Variants in OAF observed in about 807,000 individuals in gnomAD.
The protein encoded by OAF is out at first homolog.
Under a neutral mutation model 22.5 loss-of-function variants are expected in OAF, and 13 were observed. The observed-to-expected ratio is 0.58, with a 90% CI of 0.38 to 0.92. The LOEUF is 0.92. Ranked by LOEUF, OAF falls within the 40% of genes least tolerant of loss-of-function variation. The pLI, the probability that OAF is intolerant of heterozygous loss-of-function variation, is 0.00. For missense variants in OAF, 347 were observed against 381.8 expected (o/e 0.91, Z 0.76); for synonymous variants, 175 against 170.5 (o/e 1.03, Z -0.21).
At chr11:120,223,585 CATT>C (rs779460322) in intron 1 of OAF, among the ~76,000 whole-genome samples, 5 of 152,178 alleles carry the variant, frequency 3.3e-5, no homozygotes, top group Non-Finnish European at 7.3e-5. Context: ...TCATTGATGA[CATT>C]ATTAATATAG....
chr11:120,228,745 G>A, intron 3 of OAF, 123 bp from the exon 4 acceptor site: 1 of 710,900 alleles, frequency 1.4e-6, no homozygotes, highest in Non-Finnish European at 2.3e-6. Flanking sequence ...GGAAATGGAG[G>A]TGTCTGTAAA....
chr11:120,226,978 C>T lies in OAF; in HGVS notation c.529C>T (p.Arg177Trp), dbSNP rs200189572. The stretch of plus-strand genomic sequence containing the variant: ...CATCTACACCCGCCAGGAGGATGTC[C>T]GGTTCTGGCTGGAGCAAGGTCAGCT... Reference protein sequence around the residue: ...DAIYTRQEDVRFWLEQGVDSS... With the variant: ...DAIYTRQEDVWFWLEQGVDSS... Residue 177 changes from arginine (R) to tryptophan (W), a missense_variant, in exon 3 of 4, where the codon CGG becomes TGG. Transcript: ENST00000328965. The T allele has an allele frequency of 1.3e-4, 213 of 1,599,078 alleles. 2 individuals carry two copies. The East Asian group carries it at 3.4e-3, about 26-fold the overall frequency.
intron 1 of OAF, among the ~76,000 whole-genome samples, chr11:120,213,059 C>T (rs952631347): frequency 6.6e-6 from 1 of 152,048 alleles, no homozygotes; most frequent in African/African-American, 2.4e-5. Context: ...GGCTGTGAGG[C>T]TCCCAACCCC....
chr11:120,226,123 G>A (rs113836768), intron 2 of OAF, among the ~76,000 whole-genome samples: 2 of 152,176 alleles, frequency 1.3e-5, no homozygotes, highest in Non-Finnish European at 2.9e-5. Flanking sequence ...CTCCCATCTG[G>A]TTCCAGCACC....
At chr11:120,228,821 T>TGCCAAACCA in intron 3 of OAF, 47 bp from the exon 4 acceptor site, 1 of 520,280 alleles carries the variant, frequency 1.9e-6, no homozygotes. Context: ...GGGAGCTCCT[T>TGCCAAACCA]CCCTCCCTCC....
intron 1 of OAF, among the ~76,000 whole-genome samples, chr11:120,218,035 A>C (rs891426560): frequency 1.3e-5 from 2 of 152,222 alleles, no homozygotes; most frequent in Non-Finnish European, 2.9e-5. Context: ...GCACTGAGTC[A>C]GCAGCACAGT....
In OAF at chr11:120,222,213, C is replaced by T. The variant is rs138750561; in HGVS notation, c.232-3448C>T. Among the ~76,000 whole-genome samples, 98 of 152,322 alleles carry T rather than the reference C, an allele frequency of 6.4e-4. No homozygotes were observed. The East Asian group carries it at 0.014, about 22-fold the overall frequency. On this transcript the variant is annotated intron_variant, in intron 1 of 3. Transcript: ENST00000328965. ...TACCAAATAGACCCAGAAAGTAGGG[C>T]TGCCCACTCCTTCTCAGGGATCAGC...
At chr11:120,228,117 T>G (rs1938387090) in intron 3 of OAF, among the ~76,000 whole-genome samples, 1 of 151,242 alleles carries the variant, frequency 6.6e-6, no homozygotes, top group Non-Finnish European at 1.5e-5. Context: ...AAAGTCTCAC[T>G]GTTGTCCCCC....
chr11:120,223,433 G>GT (rs1938307802), intron 1 of OAF, among the ~76,000 whole-genome samples: 1 of 152,134 alleles, frequency 6.6e-6, no homozygotes, highest in South Asian at 2.1e-4. Context: ...TGGAAACAAT[G>GT]TTTTTTCTCT....
At position 120,211,351 on chromosome 11, in the gene OAF, G is replaced by A. The variant is rs1938141860; in HGVS notation, c.72G>A (p.Leu24=). 7.0e-7 allele frequency: 1 copy of A among 1,436,976 alleles called. No homozygotes were observed. The highest frequency in any genetic ancestry group is 3.0e-5 in the East Asian group (1 of 33,398). The allele number at this position is 1,436,976 out of a possible 1,614,324, so 89.0% of individuals were successfully genotyped here. The part of the protein sequence containing the change: ...LLLLPLLAPL[L]GTGAPAELRV... ...TGCTGCCGCTGCTCGCGCCGCTGCT[G>A]GGAACGGGTGCGCCGGCCGAGCTGC... Residue 24 remains leucine, a synonymous_variant, in exon 1 of 4, where the codon CTG becomes CTA. Transcript: ENST00000328965.
In OAF at chr11:120,226,938, C is replaced by T. The variant is rs3740736; in HGVS notation, c.489C>T (p.Ala163=). ...GCCCCCATCTCCACAACGTGTGTGC[C>T]GAGGCCGTGGATGCCATCTACACCC... ...LLSPHLHNVC[A]EAVDAIYTRQ... The change falls in exon 3 of 4, where the codon GCC becomes GCT. Residue 163 remains alanine (A), a synonymous_variant. Transcript: ENST00000328965. 4.8e-4 allele frequency: 778 copies of T among 1,609,832 alleles called. 9 individuals are homozygous for T. The East Asian group carries it at 0.013, about 27-fold the overall frequency.
intron 1 of OAF, among the ~76,000 whole-genome samples, chr11:120,221,123 C>T (rs988928311): frequency 6.6e-6 from 1 of 152,194 alleles, no homozygotes; most frequent in African/African-American, 2.4e-5. Flanking sequence ...CCTTTACCTC[C>T]ATTGCACTTG....
At chr11:120,228,821 T>TACCCACC in intron 3 of OAF, 47 bp from the exon 4 acceptor site, 1 of 520,280 alleles carries the variant, frequency 1.9e-6, no homozygotes, top group Non-Finnish European at 3.6e-6. Flanking sequence ...GGGAGCTCCT[T>TACCCACC]CCCTCCCTCC....
chr11:120,218,011 G>C lies in OAF; in HGVS notation c.231+6501G>C, dbSNP rs570873686. On this transcript the variant is annotated intron_variant, in intron 1 of 3. Coordinates refer to ENST00000328965, the MANE Select transcript of OAF (RefSeq NM_178507.4). ...AGTGCGGGTGAGAGGGAAGCATGGA[G>C]ACCCGTCTCAGGAGCACTGAGTCAG... Among the ~76,000 whole-genome samples, 11 of 152,334 alleles carry C rather than the reference G, an allele frequency of 7.2e-5. 1 individual carries two copies. The highest frequency in any genetic ancestry group is 2.4e-4 in the African/African-American group (10 of 41,580).
Position 120,225,766 on chromosome 11 carries a change from C to A in OAF, c.337C>A (p.Pro113Thr). 6.2e-7 allele frequency: 1 copy of A among 1,604,152 alleles called. No individual in the cohort carries two copies. The highest frequency in any genetic ancestry group is 1.7e-5 in the Admixed American group (1 of 58,902). ...CCAGCTGCAGCACAATGAGATCATC[C>A]CCAGTGAGGCCATGGCCAAGCTCCG... is the stretch of plus-strand genomic sequence containing the variant. ...VTQLQHNEII[P>T]SEAMAKLRQK... Residue 113 changes from proline to threonine, a missense_variant, in exon 2 of 4, where the codon CCC (proline) becomes ACC (threonine). Coordinates refer to ENST00000328965, the MANE Select transcript of OAF (RefSeq NM_178507.4).
chr11:120,225,589 G>C, intron 1 of OAF, 72 bp from the exon 2 acceptor site: 1 of 1,422,226 alleles, frequency 7.0e-7, no homozygotes, highest in Non-Finnish European at 9.3e-7. Flanking sequence ...CAGGGGCCAA[G>C]CTGAGCACCC....
chr11:120,211,199 C>T lies in OAF; in HGVS notation c.-81C>T, dbSNP rs1362448210. 1 of 983,440 alleles carries T rather than the reference C, an allele frequency of 1.0e-6. No individual in the cohort carries two copies. Among genetic ancestry groups the T allele is most frequent in the Non-Finnish European group, 1.3e-6 (1 of 784,766 alleles). 60.9% of individuals were successfully genotyped at this position (983,440 alleles called of 1,614,324 possible). ...CTCCCGGGCGCCCCGAACTAGCCCC[C>T]AACTTTGGGCGAAGTTTGCCTGCGC... On this transcript the variant is annotated 5_prime_UTR_variant, in exon 1 of 4. Coordinates refer to ENST00000328965, the MANE Select transcript of OAF (RefSeq NM_178507.4).
chr11:120,212,592 C>T (rs1393415167), intron 1 of OAF, among the ~76,000 whole-genome samples: 10 of 151,452 alleles, frequency 6.6e-5, no homozygotes, highest in African/African-American at 2.4e-4. Flanking sequence ...GCCCGGGGCC[C>T]CGGGGACCCT....
rs541725690 is a variant in OAF at position 120,213,222 on chromosome 11, G to C, written c.231+1712G>C. 8.0e-4 allele frequency among the ~76,000 whole-genome samples: 121 copies of C among 152,046 alleles called. 1 individual carries two copies. The highest frequency in any genetic ancestry group is 1.7e-3 in the South Asian group (8 of 4,802). ...TTTTTATTGCTGTGATCTGAAGGGA[G>C]AGGCTAAGAAGTACCCAGGTAGCTG... On this transcript the variant is annotated intron_variant, in intron 1 of 3. Transcript: ENST00000328965.
Sources: gnomAD v4.1 joint callset for allele counts (sites outside exome capture counted in the v4.1 genomes callset) on GRCh38, gnomAD v4.1.1 for gene constraint, MANE v1.5 for transcripts, NCBI Gene and HGNC (gene_info 2026-07-23, HGNC 2026-07-21) for gene names.